Variants in SNX29 observed in about 807,000 individuals in gnomAD.
SNX29 encodes sorting nexin-29.
A neutral mutation model predicts 102.1 loss-of-function variants in SNX29; 78 were observed. That is an observed-to-expected ratio of 0.76 (90% CI 0.64 to 0.92). SNX29 has a LOEUF of 0.92. SNX29 is among the 40% of genes least tolerant of loss of function. SNX29 has a pLI of 0.00. For synonymous variants in SNX29, 580 were observed against 414.5 expected, an observed-to-expected ratio of 1.40 and a Z score of -4.85; for missense variants, 1,280 against 1,061.7, an observed-to-expected ratio of 1.21 and a Z score of -2.86.
chr16:12,548,610 C>G (rs757240658), intron 20 of SNX29, among the ~76,000 whole-genome samples: 2 of 152,170 alleles, frequency 1.3e-5, no homozygotes, highest in African/African-American at 2.4e-5. Context: ...GTACTCTGTC[C>G]AAGCCCCACA....
intron 20 of SNX29, among the ~76,000 whole-genome samples, chr16:12,559,382 C>T (rs1223688522): frequency 1.3e-5 from 2 of 151,242 alleles, no homozygotes; most frequent in Non-Finnish European, 2.9e-5. Flanking sequence ...GATCTCTCAC[C>T]CTCTCCCATC....
rs183585056 is a variant in SNX29 at position 12,514,662 on chromosome 16, C to A, written c.2179-10040C>A. Among the ~76,000 whole-genome samples, 26 of 152,130 alleles carry A rather than the reference C, an allele frequency of 1.7e-4. No individual in the cohort carries two copies. In the South Asian group the frequency reaches 4.8e-3, roughly 28 times the overall value. ...GGCAAATCACTTGAGGCCAGGAGTT[C>A]GAGACCAGCCTGGCCAACATGGTGA... On this transcript the variant is annotated intron_variant, in intron 19 of 20. Transcript: ENST00000566228.
At chr16:12,247,650 C>A (rs2078298512) in intron 14 of SNX29, among the ~76,000 whole-genome samples, 1 of 152,238 alleles carries the variant, frequency 6.6e-6, no homozygotes, top group South Asian at 2.1e-4. Context: ...GTGGCATGAC[C>A]CAGTGGAGGA....
intron 18 of SNX29, among the ~76,000 whole-genome samples, chr16:12,447,057 C>T (rs2086090022): frequency 6.8e-6 from 1 of 146,496 alleles, no homozygotes; most frequent in African/African-American, 2.5e-5. Flanking sequence ...GTCCCAGCTA[C>T]TTGGGAGGCT....
At chr16:11,980,692 T>C (rs2055395168) in intron 1 of SNX29, among the ~76,000 whole-genome samples, 1 of 152,208 alleles carries the variant, frequency 6.6e-6, no homozygotes, top group Non-Finnish European at 1.5e-5. Context: ...ATAGACATTC[T>C]AGTGAGTGTG....
intron 15 of SNX29, among the ~76,000 whole-genome samples, chr16:12,313,250 A>G (rs181376114): frequency 9.2e-5 from 14 of 152,052 alleles, no homozygotes; most frequent in Non-Finnish European, 1.8e-4. Context: ...CCAACCTTAG[A>G]TGATCCACCT....
At chr16:12,555,148 G>C (rs1232293927) in intron 20 of SNX29, among the ~76,000 whole-genome samples, 1 of 151,932 alleles carries the variant, frequency 6.6e-6, no homozygotes, top group Admixed American at 6.5e-5. Context: ...ACTTGGTCCA[G>C]GAGTGACAGG....
At chr16:12,556,115 T>C (rs2141408344) in intron 20 of SNX29, among the ~76,000 whole-genome samples, 1 of 152,338 alleles carries the variant, frequency 6.6e-6, no homozygotes, top group East Asian at 1.9e-4. Flanking sequence ...TATGGGTTAT[T>C]ACTCTTATGT....
At chr16:12,565,705 C>G (rs950988914) in intron 20 of SNX29, among the ~76,000 whole-genome samples, 13 of 152,230 alleles carry the variant, frequency 8.5e-5, no homozygotes, top group African/African-American at 2.9e-4. Context: ...GGGGAAGCAG[C>G]TGGGCCGGGT....
intron 20 of SNX29, among the ~76,000 whole-genome samples, chr16:12,556,893 C>T (rs1567194386): frequency 6.7e-6 from 1 of 148,430 alleles, no homozygotes; most frequent in South Asian, 2.1e-4. Flanking sequence ...CCGTCTGTCT[C>T]CTCACCTTGA....
intron 16 of SNX29, among the ~76,000 whole-genome samples, chr16:12,376,432 C>G (rs184268291): frequency 3.9e-5 from 6 of 152,174 alleles, no homozygotes; most frequent in African/African-American, 1.4e-4. Context: ...ATTGATTGGT[C>G]GTATTGAAAA....
At position 12,572,661 on chromosome 16, in the gene SNX29, C is replaced by T. The variant is rs1017329796; in HGVS notation, c.*4032C>T. Reference sequence around the variant, plus strand: ...TTCCTCCACCAAGCTCCTGTGTGAGCTGCAGCACCCACACGGGGGAAGCCC... The same window carrying T: ...TTCCTCCACCAAGCTCCTGTGTGAGTTGCAGCACCCACACGGGGGAAGCCC... On this transcript the variant is annotated 3_prime_UTR_variant, in exon 21 of 21. Coordinates refer to ENST00000566228, the MANE Select transcript of SNX29 (RefSeq NM_032167.5). The T allele has an allele frequency of 5.6e-6, 6 of 1,063,850 alleles. No homozygotes were observed. The highest frequency in any genetic ancestry group is 4.6e-5 in the South Asian group (1 of 21,976). 65.9% of individuals were successfully genotyped at this position (1,063,850 alleles called of 1,614,324 possible).
intron 4 of SNX29, among the ~76,000 whole-genome samples, chr16:12,032,366 C>G (rs549121639): frequency 6.6e-6 from 1 of 152,000 alleles, no homozygotes; most frequent in African/African-American, 2.4e-5. Flanking sequence ...TGCCACCATG[C>G]CCGGCTAATT....
chr16:12,338,723 T>G (rs573876421), intron 15 of SNX29, among the ~76,000 whole-genome samples: 7 of 152,332 alleles, frequency 4.6e-5, no homozygotes, highest in African/African-American at 1.7e-4. Context: ...GTTGCCTTCC[T>G]GGGTGGCAGG....
intron 12 of SNX29, 74 bp downstream of exon 12, chr16:12,126,770 A>G: frequency 6.5e-7 from 1 of 1,545,182 alleles, no homozygotes; most frequent in Non-Finnish European, 8.8e-7. Flanking sequence ...AGAATATAAC[A>G]GATGAGGGAC....
At chr16:12,126,504 T>C in intron 11 of SNX29, 129 bp from the exon 12 acceptor site, 1 of 926,282 alleles carries the variant, frequency 1.1e-6, no homozygotes, top group Non-Finnish European at 1.7e-6. Context: ...TTATAGGAGT[T>C]ATTTTTGAAA....
intron 11 of SNX29, among the ~76,000 whole-genome samples, chr16:12,120,665 G>T (rs1474678338): frequency 6.6e-6 from 1 of 152,180 alleles, no homozygotes; most frequent in Non-Finnish European, 1.5e-5. Flanking sequence ...ATCTGGCTGT[G>T]TGTCTGTGTT....
rs1394155861 is a variant in SNX29 at position 12,571,790 on chromosome 16, C to T, written c.*3161C>T. 15 of 1,013,374 alleles carry T rather than the reference C, an allele frequency of 1.5e-5. No homozygotes were observed. Among genetic ancestry groups the T allele is most frequent in the East Asian group, 5.1e-5 (1 of 19,438 alleles). 62.8% of individuals were successfully genotyped at this position (1,013,374 alleles called of 1,614,324 possible). On this transcript the variant is annotated 3_prime_UTR_variant, in exon 21 of 21. Transcript: ENST00000566228. Reference sequence around the variant, plus strand: ...AGACAGAACCTTCTCCGCCACTCTTCCTGCAATCAGTGTGAAATTCCAGCT... The same window carrying T: ...AGACAGAACCTTCTCCGCCACTCTTTCTGCAATCAGTGTGAAATTCCAGCT...
In SNX29 at chr16:12,568,722, C is replaced by A. The variant is rs998619549; in HGVS notation, c.*93C>A. On this transcript the variant is annotated 3_prime_UTR_variant, in exon 21 of 21. Coordinates refer to ENST00000566228, the MANE Select transcript of SNX29 (RefSeq NM_032167.5). ...TGGCCCCTCACCTCAGCGTGACAAC[C>A]ACGTCCACCTGGTGATCCTGAGAGC... 1.5e-5 allele frequency: 22 copies of A among 1,515,670 alleles called. No individual in the cohort carries two copies. The highest frequency in any genetic ancestry group is 1.9e-5 in the Non-Finnish European group (22 of 1,132,148). The allele number at this position is 1,515,670 out of a possible 1,614,324, so 93.9% of individuals were successfully genotyped here.
Sources: gnomAD v4.1 joint callset for allele counts (sites outside exome capture counted in the v4.1 genomes callset) on GRCh38, gnomAD v4.1.1 for gene constraint, MANE v1.5 for transcripts, NCBI Gene and HGNC (gene_info 2026-07-23, HGNC 2026-07-21) for gene names.